SEPTIN10: variants seen among roughly 807,000 people sequenced by gnomAD.
SEPTIN10 encodes septin-10.
In SEPTIN10, 66 loss-of-function variants were observed where a neutral mutation model predicts 54.8. The observed-to-expected ratio is 1.21, with a 90% CI of 0.99 to 1.48. SEPTIN10 has a LOEUF of 1.48. SEPTIN10 is among the 40% of genes most tolerant of loss of function. SEPTIN10 has a pLI of 0.00. For missense variants in SEPTIN10, 620 were observed against 545.6 expected, an observed-to-expected ratio of 1.14 and a Z score of -1.36; for synonymous variants, 161 against 181.0, an observed-to-expected ratio of 0.89 and a Z score of 0.89.
chr2:109,613,887 C>G lies in SEPTIN10; in HGVS notation c.-60G>C, dbSNP rs1036167674. ...CAGCCCGGCCCCGAGCGGCTGGTCCCGGCGACGGCGGCGGGAAGGCCGGAG... is the reference window on the plus strand; with the variant it reads ...CAGCCCGGCCCCGAGCGGCTGGTCCGGGCGACGGCGGCGGGAAGGCCGGAG... On this transcript the variant is annotated 5_prime_UTR_variant, in exon 1 of 11. Transcript: ENST00000397712. The G allele has an allele frequency of 5.7e-6, 7 of 1,221,240 alleles. No homozygotes were observed. The highest frequency in any genetic ancestry group is 1.6e-5 in the African/African-American group (1 of 63,722). 75.7% of individuals were successfully genotyped at this position (1,221,240 alleles called of 1,614,324 possible).
intron 1 of SEPTIN10, among the ~76,000 whole-genome samples, chr2:109,601,830 T>TA (rs914903451): frequency 6.6e-6 from 1 of 152,064 alleles, no homozygotes; most frequent in African/African-American, 2.4e-5. Flanking sequence ...TCTAATACTC[T>TA]ACAAGTTACT....
intron 1 of SEPTIN10, among the ~76,000 whole-genome samples, chr2:109,605,888 G>A (rs1697827481): frequency 6.6e-6 from 1 of 152,204 alleles, no homozygotes; most frequent in Non-Finnish European, 1.5e-5. Context: ...GAGTTAGCAT[G>A]ACATCAGTAT....
intron 2 of SEPTIN10, among the ~76,000 whole-genome samples, chr2:109,592,461 T>C (rs1439567195): frequency 1.4e-5 from 2 of 147,534 alleles, no homozygotes; most frequent in African/African-American, 5.1e-5. Context: ...CAAAGCTCTG[T>C]CTCAAAAAAC....
At chr2:109,589,036 T>A (rs986429801) in intron 2 of SEPTIN10, among the ~76,000 whole-genome samples, 49 of 152,014 alleles carry the variant, frequency 3.2e-4, no homozygotes, top group African/African-American at 1.1e-3. Flanking sequence ...GTTTAAGTGA[T>A]TCTTCCACCT....
chr2:109,601,745 A>G, intron 1 of SEPTIN10, among the ~76,000 whole-genome samples: 1 of 151,076 alleles, frequency 6.6e-6, no homozygotes, highest in East Asian at 2.0e-4. Context: ...AGCTCAAAAT[A>G]TCTTTCTACA....
At chr2:109,578,850 A>G (rs895462724) in intron 4 of SEPTIN10, among the ~76,000 whole-genome samples, 1 of 152,328 alleles carries the variant, frequency 6.6e-6, no homozygotes, top group East Asian at 1.9e-4. Flanking sequence ...CCACGCTTAC[A>G]GGGTAGTTTA....
At position 109,567,881 on chromosome 2, in the gene SEPTIN10, A is replaced by G. The variant is rs944251329; in HGVS notation, c.696T>C (p.Asn232=). 4.3e-6 allele frequency: 7 copies of G among 1,613,958 alleles called. No individual in the cohort carries two copies. The highest frequency in any genetic ancestry group is 1.3e-5 in the African/African-American group (1 of 74,942). ...TTGGGAACTGGTATATCTGGACGCCATTGCTGACCAATTCACTCATGAGCT... is the reference window on the plus strand; with the variant it reads ...TTGGGAACTGGTATATCTGGACGCCGTTGCTGACCAATTCACTCATGAGCT... The part of the protein sequence containing the change: ...KIKLMSELVS[N]GVQIYQFPTD... The change falls in exon 6 of 11, where the codon AAT becomes AAC. Residue 232 remains asparagine (N), a synonymous_variant. Transcript: ENST00000397712.
intron 9 of SEPTIN10, among the ~76,000 whole-genome samples, chr2:109,547,417 A>G (rs567878246): frequency 1.3e-5 from 2 of 149,766 alleles, no homozygotes; most frequent in South Asian, 4.2e-4. Flanking sequence ...GGTCATTCCA[A>G]TAAGAACCTA....
intron 8 of SEPTIN10, among the ~76,000 whole-genome samples, chr2:109,556,527 C>T (rs1395114721): frequency 6.6e-6 from 1 of 152,120 alleles, no homozygotes; most frequent in African/African-American, 2.4e-5. Flanking sequence ...AGGAACAGAT[C>T]CTAAACACTT....
chr2:109,552,016 G>A (rs1240995931), intron 9 of SEPTIN10, among the ~76,000 whole-genome samples: 1 of 152,128 alleles, frequency 6.6e-6, no homozygotes, highest in Non-Finnish European at 1.5e-5. Flanking sequence ...GGTGAGTGGC[G>A]GGCAAACAAG....
intron 1 of SEPTIN10, among the ~76,000 whole-genome samples, chr2:109,594,362 C>T (rs1464848095): frequency 2.0e-5 from 3 of 152,160 alleles, no homozygotes; most frequent in African/African-American, 7.2e-5. Context: ...GCGCTCTTCC[C>T]GAGAGGCACC....
chr2:109,568,006 A>T, intron 5 of SEPTIN10, 30 bp from the exon 6 acceptor site: 1 of 1,517,662 alleles, frequency 6.6e-7, no homozygotes, highest in Non-Finnish European at 8.9e-7. Flanking sequence ...ACAAAATCTT[A>T]CTGAGGATTT....
chr2:109,575,035 A>T (rs548227532), intron 4 of SEPTIN10, among the ~76,000 whole-genome samples: 15 of 152,224 alleles, frequency 9.9e-5, no homozygotes, highest in Non-Finnish European at 1.6e-4. Context: ...ATCCCAATAA[A>T]CCTATCATAA....
At chr2:109,579,029 C>T (rs968123128) in intron 4 of SEPTIN10, among the ~76,000 whole-genome samples, 2 of 152,122 alleles carry the variant, frequency 1.3e-5, no homozygotes, top group Non-Finnish European at 2.9e-5. Context: ...ATTGACAACA[C>T]TTTGTCAAGA....
chr2:109,606,672 C>CTTTTTTTT lies in SEPTIN10; in HGVS notation c.30+7118_30+7125dup, dbSNP rs34414105. ...AAAAAATTGCACTAAAAATTTTAAG[C>CTTTTTTTT]TTTTTTTTTTTTTTTTTTTTTTTTT... On this transcript the variant is annotated intron_variant, in intron 1 of 10. Coordinates refer to ENST00000397712, the MANE Select transcript of SEPTIN10 (RefSeq NM_144710.5). Among the ~76,000 whole-genome samples the CTTTTTTTT allele has an allele frequency of 8.6e-4, 62 of 71,918 alleles. 1 individual carries two copies. Among genetic ancestry groups the CTTTTTTTT allele is most frequent in the African/African-American group, 9.9e-4 (18 of 18,238 alleles). 47.2% of individuals were successfully genotyped at this position (71,918 alleles called of 152,430 possible).
rs778260306 is a variant in SEPTIN10 at position 109,574,859 on chromosome 2, CTAAT to C, written c.414-96_414-93del. ...TAGAAGTTTGAGGTCTATATTTTCACTAATTAATAAACAGTTAATATCTATGCTG... is the reference window on the plus strand; with the variant it reads ...TAGAAGTTTGAGGTCTATATTTTCACTAATAAACAGTTAATATCTATGCTG... On this transcript the variant is annotated intron_variant, in intron 4 of 10. Coordinates refer to ENST00000397712, the MANE Select transcript of SEPTIN10 (RefSeq NM_144710.5). 1.5e-4 allele frequency: 130 copies of C among 848,792 alleles called. 1 individual carries two copies. The South Asian group carries it at 1.5e-3, about 10-fold the overall frequency. 52.6% of individuals were successfully genotyped at this position (848,792 alleles called of 1,614,324 possible). A position where few individuals can be genotyped will look rare whatever the true frequency, so the allele number is the denominator to read the frequency against.
chr2:109,594,924 G>C (rs1386012088), intron 1 of SEPTIN10: 2 of 151,424 alleles, frequency 1.3e-5, no homozygotes, highest in African/African-American at 4.9e-5. Flanking sequence ...GTCTCACTCC[G>C]TCACCCAGGC....
At chr2:109,606,561 C>A (rs964683579) in intron 1 of SEPTIN10, among the ~76,000 whole-genome samples, 1 of 151,162 alleles carries the variant, frequency 6.6e-6, no homozygotes, top group South Asian at 2.1e-4. Flanking sequence ...TATATCTTGA[C>A]TACTTTATTA....
intron 2 of SEPTIN10, among the ~76,000 whole-genome samples, 196 bp downstream of exon 2, chr2:109,592,855 A>C (rs1694394043): frequency 6.6e-6 from 1 of 152,162 alleles, no homozygotes; most frequent in African/African-American, 2.4e-5. Context: ...ATACTCAATT[A>C]AGAATATTGT....
Sources: gnomAD v4.1 joint callset for allele counts (sites outside exome capture counted in the v4.1 genomes callset) on GRCh38, gnomAD v4.1.1 for gene constraint, MANE v1.5 for transcripts, NCBI Gene and HGNC (gene_info 2026-07-23, HGNC 2026-07-21) for gene names.